CCR3: variants seen among roughly 807,000 people sequenced by gnomAD.
The protein encoded by CCR3 is C-C chemokine receptor type 3.
For synonymous variants in CCR3, 203 were observed against 179.2 expected, an observed-to-expected ratio of 1.13 and a Z score of -1.06; for missense variants, 419 against 437.5, an observed-to-expected ratio of 0.96 and a Z score of 0.38.
chr3:46,227,045 A>G lies in CCR3; in HGVS notation c.-67-15357A>G, dbSNP rs71615440. Among the ~76,000 whole-genome samples, 23 of 150,160 alleles carry G rather than the reference A, an allele frequency of 1.5e-4. 1 individual carries two copies. In the East Asian group the frequency reaches 4.1e-3, roughly 27 times the overall value. On this transcript the variant is annotated intron_variant, in intron 2 of 3. Coordinates refer to the CCR3 transcript ENST00000357422. Reference sequence around the variant, plus strand: ...TGCCACCATGCCTGGCTATTTTTTTATTTTTCGTATTTTTAGTAGAGACAG... The same window carrying G: ...TGCCACCATGCCTGGCTATTTTTTTGTTTTTCGTATTTTTAGTAGAGACAG...
chr3:46,250,739 G>A (rs867534665), intron 1 of CCR3, among the ~76,000 whole-genome samples: 17 of 151,856 alleles, frequency 1.1e-4, no homozygotes, highest in African/African-American at 3.9e-4. Context: ...AATGGAGGGT[G>A]GAATTTTGCC....
intron 2 of CCR3, among the ~76,000 whole-genome samples, chr3:46,229,896 G>T (rs947687540): frequency 6.6e-6 from 1 of 152,154 alleles, no homozygotes; most frequent in South Asian, 2.1e-4. Context: ...GACAGAGAGG[G>T]AGGAGGCCAA....
At chr3:46,228,326 T>A (rs993770459) in intron 2 of CCR3, among the ~76,000 whole-genome samples, 1 of 152,182 alleles carries the variant, frequency 6.6e-6, no homozygotes, top group Non-Finnish European at 1.5e-5. Flanking sequence ...AAAATTTGCC[T>A]CTTCACCCAT....
chr3:46,248,488 T>C (rs913037774), intron 1 of CCR3, among the ~76,000 whole-genome samples: 1 of 152,194 alleles, frequency 6.6e-6, no homozygotes, highest in African/African-American at 2.4e-5. Context: ...GTAAGAATTC[T>C]GACTGCACTA....
Position 46,259,435 on chromosome 3 carries a change from TATGGCTGATATACAACAC to T in CCR3, c.-11-5705_-11-5688del, listed in dbSNP as rs1700484143. Among the ~76,000 whole-genome samples the T allele has an allele frequency of 5.9e-5, 9 of 152,270 alleles. No homozygotes were observed. In the South Asian group the frequency reaches 1.9e-3, roughly 32 times the overall value. On this transcript the variant is annotated intron_variant, in intron 1 of 1. Coordinates refer to ENST00000395940, the MANE Select transcript of CCR3 (RefSeq NM_178329.3). ...TTTGGCTGATAAAATATATACAACA[TATGGCTGATATACAACAC>T]ATGGCTGGTAAAATTATACCAGGAC...
At chr3:46,256,397 A>T (rs1470717217) in intron 1 of CCR3, among the ~76,000 whole-genome samples, 3 of 147,036 alleles carry the variant, frequency 2.0e-5, no homozygotes, top group Non-Finnish European at 3.0e-5. Context: ...AAATGTTGAA[A>T]TCCAGAAAGA....
At chr3:46,217,362 C>T (rs963249457) in intron 2 of CCR3, among the ~76,000 whole-genome samples, 2 of 151,982 alleles carry the variant, frequency 1.3e-5, no homozygotes, top group Non-Finnish European at 2.9e-5. Context: ...ACACAATAGT[C>T]GTAGGGGAAG....
At chr3:46,225,708 C>A (rs1386539152) in intron 2 of CCR3, among the ~76,000 whole-genome samples, 1 of 152,046 alleles carries the variant, frequency 6.6e-6, no homozygotes, top group African/African-American at 2.4e-5. Context: ...ATCTGTATAT[C>A]CTCTTCAGTG....
chr3:46,254,763 A>G (rs1318441592), intron 1 of CCR3, among the ~76,000 whole-genome samples: 1 of 152,188 alleles, frequency 6.6e-6, no homozygotes, highest in Non-Finnish European at 1.5e-5. Flanking sequence ...TGAGTTACTT[A>G]ACTTAGAATA....
chr3:46,266,041 T>C lies in CCR3; in HGVS notation c.883T>C (p.Cys295Arg). 2 of 1,614,102 alleles carry C rather than the reference T, an allele frequency of 1.2e-6. No homozygotes were observed. Among genetic ancestry groups the C allele is most frequent in the South Asian group, 2.2e-5 (2 of 91,084 alleles). The change falls in exon 2 of 2, where the codon TGC (cysteine) becomes CGC (arginine). Residue 295 changes from cysteine (C) to arginine (R), a missense_variant. Physicochemically the swap from Cys to Arg is radical, Grantham distance 180. Coordinates refer to ENST00000395940, the MANE Select transcript of CCR3 (RefSeq NM_178329.3). ...VTEVIAYSHC[C>R]MNPVIYAFVG... ...AGAGGTGATCGCCTACTCCCACTGC[T>C]GCATGAACCCGGTGATCTACGCCTT...
intron 1 of CCR3, among the ~76,000 whole-genome samples, chr3:46,247,166 C>T (rs550631667): frequency 2.0e-5 from 3 of 152,030 alleles, no homozygotes; most frequent in East Asian, 1.9e-4. Context: ...GGGGATAGCA[C>T]GAGGAGATAT....
intron 2 of CCR3, among the ~76,000 whole-genome samples, chr3:46,213,158 A>C (rs761516594): frequency 4.6e-5 from 7 of 152,190 alleles, no homozygotes; most frequent in Non-Finnish European, 7.3e-5. Context: ...ATACAACCTC[A>C]GAACTCAGGG....
chr3:46,261,543 C>CA, intron 1 of CCR3, among the ~76,000 whole-genome samples: 1 of 152,274 alleles, frequency 6.6e-6, no homozygotes, highest in Non-Finnish European at 1.5e-5. Context: ...TGAGAAGAGA[C>CA]ACAGTGGTTA....
intron 1 of CCR3, among the ~76,000 whole-genome samples, chr3:46,244,384 G>C (rs548375194): frequency 6.6e-6 from 1 of 152,178 alleles, no homozygotes; most frequent in African/African-American, 2.4e-5. Flanking sequence ...ATGCGCGTCC[G>C]TGTGAAGAGA....
chr3:46,256,964 C>G (rs946388765), intron 1 of CCR3, among the ~76,000 whole-genome samples: 1 of 151,898 alleles, frequency 6.6e-6, no homozygotes, highest in Non-Finnish European at 1.5e-5. Flanking sequence ...CACACACACA[C>G]ACACAATGCT....
intron 2 of CCR3, among the ~76,000 whole-genome samples, chr3:46,212,490 A>G (rs1377684786): frequency 1.0e-5 from 1 of 99,946 alleles, no homozygotes; most frequent in African/African-American, 4.2e-5. Context: ...CCCCTACCAC[A>G]CTCCTCTTGT....
At chr3:46,212,097 G>T (rs1699721311) in intron 2 of CCR3, among the ~76,000 whole-genome samples, 1 of 152,100 alleles carries the variant, frequency 6.6e-6, no homozygotes, top group South Asian at 2.1e-4. Flanking sequence ...CCCTGTTTCT[G>T]GTTCTCCTTT....
At chr3:46,221,705 G>A (rs1394134950) in intron 2 of CCR3, among the ~76,000 whole-genome samples, 2 of 152,168 alleles carry the variant, frequency 1.3e-5, no homozygotes, top group Non-Finnish European at 2.9e-5. Context: ...TTTTGCTTAA[G>A]CCTTCATTTT....
intron 2 of CCR3, among the ~76,000 whole-genome samples, chr3:46,213,503 G>A (rs1032928701): frequency 2.6e-5 from 4 of 152,196 alleles, no homozygotes; most frequent in Non-Finnish European, 5.9e-5. Flanking sequence ...AAGTCACATT[G>A]TAAAAGGCTG....
Sources: allele counts gnomAD v4.1 joint callset (sites outside exome capture counted in the v4.1 genomes callset), GRCh38; gene constraint gnomAD v4.1.1; transcripts MANE v1.5; gene names NCBI Gene and HGNC (gene_info 2026-07-23, HGNC 2026-07-21).